Variants in SVEP1 observed in about 807,000 individuals in gnomAD.
SVEP1 encodes sushi, von Willebrand factor type A, EGF and pentraxin domain-containing protein 1.
SVEP1 carries 164 observed loss-of-function variants against 367.3 expected under a neutral mutation model. The observed-to-expected ratio is 0.45, with a 90% CI of 0.39 to 0.51. The LOEUF (loss-of-function observed/expected upper bound fraction) is 0.51. SVEP1 is among the 20% of genes least tolerant of loss of function. SVEP1 has a pLI of 0.00. For missense variants in SVEP1, 4,117 were observed against 4,425.3 expected, an observed-to-expected ratio of 0.93 and a Z score of 1.98; for synonymous variants, 1,666 against 1,611.6, an observed-to-expected ratio of 1.03 and a Z score of -0.81.
intron 29 of SVEP1, 77 bp from the exon 30 acceptor site, chr9:110,434,583 T>C: frequency 7.0e-7 from 1 of 1,433,614 alleles, no homozygotes; most frequent in Non-Finnish European, 9.4e-7. Flanking sequence ...TTTCAAACTG[T>C]ATTCTGTATC....
chr9:110,539,777 T>C (rs566936118), intron 3 of SVEP1, among the ~76,000 whole-genome samples: 3 of 152,126 alleles, frequency 2.0e-5, no homozygotes, highest in East Asian at 1.9e-4. Context: ...GATTTTAGTA[T>C]ATATGCTGCC....
At chr9:110,571,973 T>C (rs543971260) in intron 1 of SVEP1, among the ~76,000 whole-genome samples, 1 of 152,220 alleles carries the variant, frequency 6.6e-6, no homozygotes, top group South Asian at 2.1e-4. Flanking sequence ...GAATGAATAT[T>C]TTACAGCCAT....
intron 24 of SVEP1, 68 bp from the exon 25 acceptor site, chr9:110,447,125 A>C: frequency 7.8e-7 from 1 of 1,286,124 alleles, no homozygotes; most frequent in Non-Finnish European, 9.9e-7. Flanking sequence ...TGATAATCTT[A>C]TCTCGAAAGA....
At chr9:110,417,019 G>A (rs1266755892) in intron 36 of SVEP1, among the ~76,000 whole-genome samples, 3 of 151,996 alleles carry the variant, frequency 2.0e-5, no homozygotes, top group African/African-American at 7.3e-5. Flanking sequence ...CACTAAATTA[G>A]ACTCATAAAG....
intron 9 of SVEP1, among the ~76,000 whole-genome samples, chr9:110,485,986 C>A (rs1829271166): frequency 6.6e-6 from 1 of 152,068 alleles, no homozygotes; most frequent in Non-Finnish European, 1.5e-5. Flanking sequence ...CACTGTAGAC[C>A]AGTGATGCAG....
At position 110,387,379 on chromosome 9, in the gene SVEP1, T is replaced by C. The variant is rs765128964; in HGVS notation, c.9966A>G (p.Val3322=). The C allele has an allele frequency of 1.9e-6, 3 of 1,613,656 alleles. No individual in the cohort carries two copies. In the African/African-American group the frequency reaches 4.0e-5, roughly 22 times the overall value. ...GACTGTAGCCTCTGTTGCAGGAATA[T>C]ACCACGTTGGGTCCAGTCGTCCTGT... is the stretch of plus-strand genomic sequence containing the variant. ...IENRTTGPNV[V]YSCNRGYSLE... is the part of the protein sequence containing the mutation. The change falls in exon 42 of 48, where the codon GTA becomes GTG. Residue 3322 remains valine (V), a synonymous_variant. Transcript: ENST00000374469.
At chr9:110,471,254 G>A (rs1829012987) in intron 16 of SVEP1, 110 bp downstream of exon 16, 1 of 910,194 alleles carries the variant, frequency 1.1e-6, no homozygotes, top group Non-Finnish European at 1.6e-6. Flanking sequence ...CACACAACAA[G>A]AGCAAAATAT....
intron 40 of SVEP1, among the ~76,000 whole-genome samples, chr9:110,399,500 TAAAA>T (rs1343519962): frequency 6.6e-6 from 1 of 151,992 alleles, no homozygotes; most frequent in African/African-American, 2.4e-5. Flanking sequence ...ATAATAAAAT[TAAAA>T]AGAAAAAAGA....
intron 8 of SVEP1, among the ~76,000 whole-genome samples, chr9:110,494,895 G>C (rs10980410): frequency 0.2 from 29,812 of 151,870 alleles, 3,754 homozygotes; most frequent in East Asian, 0.47. Context: ...AATTCACACA[G>C]TAGTGCAGAT....
At position 110,407,688 on chromosome 9, in the gene SVEP1, C is replaced by T. The variant is rs150389025; in HGVS notation, c.7912G>A (p.Asp2638Asn). The T allele has an allele frequency of 2.2e-3, 3,513 of 1,614,012 alleles. 39 individuals carry two copies. The highest frequency in any genetic ancestry group is 0.019 in the South Asian group (1,729 of 91,088). Residue 2638 changes from aspartate (D) to asparagine (N), a missense_variant, in exon 38 of 48, where the codon GAC becomes AAC. Asp to Asn is a conservative substitution (Grantham distance 23, BLOSUM62 1). Transcript: ENST00000374469. ...ACATATGGAACTTCCATCATGTCGTCTTCTTGCTCAAAATATCCCTGGTCA... is the reference window on the plus strand; with the variant it reads ...ACATATGGAACTTCCATCATGTCGTTTTCTTGCTCAAAATATCCCTGGTCA... ...KDDQGYFEQEDDMMEVPYVTP... is the reference protein window; with the variant it reads ...KDDQGYFEQENDMMEVPYVTP...
chr9:110,492,753 C>T (rs1393490464), intron 8 of SVEP1, among the ~76,000 whole-genome samples: 2 of 152,074 alleles, frequency 1.3e-5, no homozygotes, highest in East Asian at 3.9e-4. Flanking sequence ...ACTCATAGAA[C>T]ATTGGCAGGG....
intron 1 of SVEP1, among the ~76,000 whole-genome samples, chr9:110,568,568 G>A (rs1484190642): frequency 6.6e-6 from 1 of 152,092 alleles, no homozygotes; most frequent in Non-Finnish European, 1.5e-5. Flanking sequence ...AAAAAGGCCT[G>A]TGAAGAGGAA....
intron 36 of SVEP1, among the ~76,000 whole-genome samples, chr9:110,425,591 A>G (rs1212331331): frequency 1.3e-5 from 2 of 152,236 alleles, no homozygotes; most frequent in Non-Finnish European, 2.9e-5. Flanking sequence ...GATGATTCAC[A>G]TAGAATTCCT....
Position 110,434,427 on chromosome 9 carries a change from C to A in SVEP1, c.4968G>T (p.Leu1656=). 1 of 1,613,534 alleles carries A rather than the reference C, an allele frequency of 6.2e-7. No individual in the cohort carries two copies. The highest frequency in any genetic ancestry group is 8.5e-7 in the Non-Finnish European group (1 of 1,179,752). ...EDLKPGSKVN[L]FCDPGFQLVG... ...CCAGCTGGAAGCCTGGATCACAGAA[C>A]AGATTGACTTTGGAACCTGGCTTTA... is the stretch of plus-strand genomic sequence containing the variant. Residue 1656 remains leucine, a synonymous_variant, in exon 30 of 48, where the codon CTG becomes CTT. Coordinates refer to ENST00000374469, the MANE Select transcript of SVEP1 (RefSeq NM_153366.4).
At chr9:110,557,545 A>G (rs1451378583) in intron 1 of SVEP1, among the ~76,000 whole-genome samples, 1 of 121,452 alleles carries the variant, frequency 8.2e-6, no homozygotes, top group African/African-American at 3.2e-5. Context: ...CGGAATTCTT[A>G]TACTTTATAT....
intron 22 of SVEP1, 62 bp from the exon 23 acceptor site, chr9:110,451,464 TTC>T: frequency 8.0e-7 from 1 of 1,250,008 alleles, no homozygotes; most frequent in African/African-American, 1.5e-5. Context: ...GACCAATAGT[TTC>T]CAAGCAAGTT....
chr9:110,381,181 G>A (rs895478070), intron 43 of SVEP1, among the ~76,000 whole-genome samples: 2 of 151,794 alleles, frequency 1.3e-5, no homozygotes, highest in African/African-American at 4.8e-5. Context: ...TTGTTTTGAA[G>A]GGCTTTTTGT....
chr9:110,443,568 A>G lies in SVEP1; in HGVS notation c.4616T>C (p.Leu1539Pro). Residue 1539 changes from leucine (L) to proline (P), a missense_variant, in exon 27 of 48, where the codon CTC becomes CCC. Around this residue, in one of 4 missense-constraint regions of SVEP1, gnomAD observed 2,174 missense variants for 2,494.3 expected, o/e 0.87. Coordinates refer to ENST00000374469, the MANE Select transcript of SVEP1 (RefSeq NM_153366.4). ...DGKLSDGGAG[L>P]SVGLPIPGGG... Reference sequence around the variant, plus strand: ...ACCAGGTATGGGCAAACCAACAGAGAGGCCAGCACCACCGTCAGATAATTT... The same window carrying G: ...ACCAGGTATGGGCAAACCAACAGAGGGGCCAGCACCACCGTCAGATAATTT... 1 of 1,608,966 alleles carries G rather than the reference A, an allele frequency of 6.2e-7. No individual in the cohort carries two copies. The highest frequency in any genetic ancestry group is 8.5e-7 in the Non-Finnish European group (1 of 1,177,634).
At chr9:110,521,840 G>T (rs558204906) in intron 3 of SVEP1, among the ~76,000 whole-genome samples, 19 of 152,168 alleles carry the variant, frequency 1.2e-4, no homozygotes, top group Non-Finnish European at 2.4e-4. Context: ...TAATAACTCA[G>T]AATCATGTAA....
Sources: gnomAD v4.1 joint callset for allele counts (sites outside exome capture counted in the v4.1 genomes callset) on GRCh38, gnomAD v4.1.1 for gene constraint, gnomAD v4.1.1 regional missense constraint, MANE v1.5 for transcripts, NCBI Gene and HGNC (gene_info 2026-07-23, HGNC 2026-07-21) for gene names.